The following SLC25A21 variants were observed in gnomAD, a reference collection of about 807,000 sequenced individuals.
SLC25A21 encodes the protein mitochondrial 2-oxodicarboxylate carrier.
SLC25A21 carries 47 observed loss-of-function variants against 43.8 expected under a neutral mutation model. The observed-to-expected ratio is 1.07, with a 90% CI of 0.85 to 1.37. The LOEUF (loss-of-function observed/expected upper bound fraction) is 1.37. SLC25A21 is among the 40% of genes most tolerant of loss of function. SLC25A21 has a pLI of 0.00. For synonymous variants in SLC25A21, 131 were observed against 121.3 expected (o/e 1.08, Z -0.52); for missense variants, 352 against 350.2 (o/e 1.00, Z -0.04).
intron 1 of SLC25A21, among the ~76,000 whole-genome samples, chr14:37,022,538 T>C (rs17105973): frequency 0.056 from 8,527 of 151,962 alleles, 801 homozygotes; most frequent in African/African-American, 0.19. Context: ...AACAACCTCT[T>C]AGCAAAGTTC....
intron 1 of SLC25A21, among the ~76,000 whole-genome samples, chr14:36,879,102 A>G (rs899714946): frequency 3.3e-5 from 5 of 152,334 alleles, no homozygotes; most frequent in Admixed American, 1.3e-4. Context: ...GAAAAAAGTC[A>G]TTTTAGAGAT....
At chr14:36,817,176 G>GT (rs1036385292) in intron 2 of SLC25A21, among the ~76,000 whole-genome samples, 4 of 151,664 alleles carry the variant, frequency 2.6e-5, no homozygotes, top group African/African-American at 9.7e-5. Context: ...AAAACCCAGG[G>GT]TATTACCTTC....
At chr14:36,915,520 A>T (rs1439383776) in intron 1 of SLC25A21, among the ~76,000 whole-genome samples, 1 of 152,164 alleles carries the variant, frequency 6.6e-6, no homozygotes, top group Non-Finnish European at 1.5e-5. Flanking sequence ...ATCTTGTTAG[A>T]GCACAAACTC....
At chr14:36,950,724 CTGAG>C (rs1223630150) in intron 1 of SLC25A21, among the ~76,000 whole-genome samples, 1 of 152,204 alleles carries the variant, frequency 6.6e-6, no homozygotes, top group Non-Finnish European at 1.5e-5. Flanking sequence ...GTGGGAAATA[CTGAG>C]TAAGTTTCTT....
intron 1 of SLC25A21, among the ~76,000 whole-genome samples, chr14:36,967,260 T>C (rs1352671469): frequency 6.6e-6 from 1 of 152,208 alleles, no homozygotes; most frequent in Non-Finnish European, 1.5e-5. Context: ...TTTGTGGTTC[T>C]ACCACATTCC....
At chr14:36,738,805 G>T (rs1188871058) in intron 3 of SLC25A21, among the ~76,000 whole-genome samples, 1 of 152,140 alleles carries the variant, frequency 6.6e-6, no homozygotes, top group Non-Finnish European at 1.5e-5. Flanking sequence ...GTATGTTTAT[G>T]GATTTTTGTA....
At chr14:37,127,222 C>T (rs1963312710) in intron 1 of SLC25A21, among the ~76,000 whole-genome samples, 1 of 152,124 alleles carries the variant, frequency 6.6e-6, no homozygotes, top group Non-Finnish European at 1.5e-5. Context: ...TTTTTATCCT[C>T]ATTTAACAAA....
intron 2 of SLC25A21, among the ~76,000 whole-genome samples, chr14:36,840,492 T>C (rs1393789876): frequency 3.3e-5 from 5 of 152,132 alleles, no homozygotes. Flanking sequence ...CAAAAACGTT[T>C]CCCCCAAATG....
chr14:36,788,640 C>T (rs559232156), intron 3 of SLC25A21: 6 of 151,080 alleles, frequency 4.0e-5, no homozygotes, highest in Non-Finnish European at 8.8e-5. Context: ...AGCACTTAAA[C>T]GGCATCTTTG....
chr14:37,109,338 C>A (rs1962977013), intron 1 of SLC25A21, among the ~76,000 whole-genome samples: 2 of 147,686 alleles, frequency 1.4e-5, no homozygotes, highest in Admixed American at 1.4e-4. Context: ...AATCTCGGGC[C>A]AAATAGAGAA....
intron 1 of SLC25A21, among the ~76,000 whole-genome samples, chr14:37,059,660 A>C (rs1424243970): frequency 6.6e-6 from 1 of 152,230 alleles, no homozygotes; most frequent in Non-Finnish European, 1.5e-5. Context: ...TGCCAAGAGA[A>C]AAATGCCCAC....
chr14:36,825,980 T>A (rs974769739), intron 2 of SLC25A21, among the ~76,000 whole-genome samples: 1 of 152,188 alleles, frequency 6.6e-6, no homozygotes, highest in Non-Finnish European at 1.5e-5. Context: ...TACCTTATTA[T>A]TGAGTATAAA....
intron 2 of SLC25A21, among the ~76,000 whole-genome samples, chr14:36,855,571 T>A (rs1310403476): frequency 6.6e-6 from 1 of 152,098 alleles, no homozygotes; most frequent in Non-Finnish European, 1.5e-5. Context: ...ATCAGCATCA[T>A]CATATCCCAA....
intron 1 of SLC25A21, among the ~76,000 whole-genome samples, chr14:37,060,705 C>T (rs186699394): frequency 1.1e-4 from 16 of 152,112 alleles, no homozygotes; most frequent in African/African-American, 2.4e-4. Flanking sequence ...TTTGCAACCT[C>T]GGAAGACAGG....
intron 7 of SLC25A21, among the ~76,000 whole-genome samples, chr14:36,697,445 G>C (rs1201999913): frequency 6.6e-6 from 1 of 152,176 alleles, no homozygotes; most frequent in African/African-American, 2.4e-5. Flanking sequence ...GCAGAGCTGA[G>C]TTCAGGTCCT....
At position 37,147,649 on chromosome 14, in the gene SLC25A21, T is replaced by TAA. The variant is rs1555349960; in HGVS notation, c.70+24630_70+24631dup. ...CTTATTTCAGGTTTTTTTTTTTTTT[T>TAA]AAAAAAAAGGAAGAAAATTTTTGTG... On this transcript the variant is annotated intron_variant, in intron 1 of 9. Transcript: ENST00000331299. 4.9e-4 allele frequency among the ~76,000 whole-genome samples: 72 copies of TAA among 146,880 alleles called. 3 individuals are homozygous for TAA. The highest frequency in any genetic ancestry group is 1.1e-3 in the African/African-American group (42 of 39,712).
chr14:37,145,472 C>CATAG (rs1188016664), intron 1 of SLC25A21, among the ~76,000 whole-genome samples: 1 of 42,314 alleles, frequency 2.4e-5, no homozygotes, highest in East Asian at 1.1e-3. Context: ...CACACACACA[C>CATAG]ACACAGAGAG....
At chr14:36,790,581 T>A (rs907669563) in intron 3 of SLC25A21, among the ~76,000 whole-genome samples, 1 of 152,162 alleles carries the variant, frequency 6.6e-6, no homozygotes, top group Non-Finnish European at 1.5e-5. Flanking sequence ...CTCATACTAT[T>A]TAAACAGTTC....
chr14:36,865,599 A>G (rs77602904), intron 2 of SLC25A21, among the ~76,000 whole-genome samples: 1 of 143,384 alleles, frequency 7.0e-6, no homozygotes, highest in Non-Finnish European at 1.5e-5. Flanking sequence ...AACACTTAAG[A>G]AAAAAAAAAA....
Sources: gnomAD v4.1 joint callset for allele counts (sites outside exome capture counted in the v4.1 genomes callset) on GRCh38, gnomAD v4.1.1 for gene constraint, MANE v1.5 for transcripts, NCBI Gene and HGNC (gene_info 2026-07-23, HGNC 2026-07-21) for gene names.